The following PMFBP1 variants were observed in gnomAD, a reference collection of about 807,000 sequenced individuals.
The protein encoded by PMFBP1 is polyamine modulated factor 1 binding protein 1, also known as polyamine-modulated factor 1-binding protein 1.
PMFBP1 carries 131 observed loss-of-function variants against 137.8 expected under a neutral mutation model. The observed-to-expected ratio is 0.95, with a 90% CI of 0.82 to 1.10. The LOEUF (loss-of-function observed/expected upper bound fraction) is 1.10, where lower values mean the gene tolerates loss of function less well. PMFBP1 is among the 50% of genes least tolerant of loss of function. PMFBP1 has a pLI of 0.00. For synonymous variants in PMFBP1, 490 were observed against 450.4 expected, an observed-to-expected ratio of 1.09 and a Z score of -1.11; for missense variants, 1,199 against 1,175.4, an observed-to-expected ratio of 1.02 and a Z score of -0.29.
upstream of PMFBP1, among the ~76,000 whole-genome samples, chr16:72,181,387 A>G (rs2144548177): frequency 6.6e-6 from 1 of 152,048 alleles, no homozygotes; most frequent in South Asian, 2.1e-4. Context: ...TACCTCTTTT[A>G]TTTTTACTTT....
At chr16:72,135,740 G>GTTTTTTTTTTTTTT in intron 9 of PMFBP1, among the ~76,000 whole-genome samples, 1 of 66,816 alleles carries the variant, frequency 1.5e-5, no homozygotes. Flanking sequence ...TAATTTTTCT[G>GTTTTTTTTTTTTTT]TTTTTTTTTT....
chr16:72,117,710 A>T (rs2042322597), downstream of PMFBP1, among the ~76,000 whole-genome samples: 2 of 144,024 alleles, frequency 1.4e-5, no homozygotes, highest in Admixed American at 1.4e-4. Flanking sequence ...AATGCTTTTT[A>T]AAAAATTCAT....
the PMFBP1 span, among the ~76,000 whole-genome samples, chr16:72,245,789 T>A: frequency 6.6e-6 from 1 of 152,164 alleles, no homozygotes; most frequent in African/African-American, 2.4e-5. Context: ...CTTCTCCCTC[T>A]CTCTCTCCTT....
At chr16:72,219,861 T>C in the PMFBP1 span, among the ~76,000 whole-genome samples, 1 of 152,254 alleles carries the variant, frequency 6.6e-6, no homozygotes, top group Non-Finnish European at 1.5e-5. Flanking sequence ...GACTCTGCTA[T>C]GCACCAGAAG....
chr16:72,160,052 G>A (rs552057891), intron 3 of PMFBP1, among the ~76,000 whole-genome samples: 2 of 152,266 alleles, frequency 1.3e-5, no homozygotes, highest in African/African-American at 4.8e-5. Context: ...CTGTCCATAG[G>A]AACCTGTTCC....
At chr16:72,201,178 TG>T in the PMFBP1 span, among the ~76,000 whole-genome samples, 229 of 152,318 alleles carry the variant, frequency 1.5e-3, no homozygotes, top group African/African-American at 4.8e-3. Flanking sequence ...ACTTTAACAG[TG>T]ACCTGGAGGG....
At chr16:72,151,989 G>A (rs2042909115) in intron 4 of PMFBP1, among the ~76,000 whole-genome samples, 1 of 152,138 alleles carries the variant, frequency 6.6e-6, no homozygotes, top group African/African-American at 2.4e-5. Context: ...TCACTCTGAG[G>A]CATGTTCTAC....
upstream of PMFBP1, among the ~76,000 whole-genome samples, chr16:72,180,650 T>G (rs997530294): frequency 3.3e-5 from 5 of 151,866 alleles, no homozygotes; most frequent in African/African-American, 4.8e-5. Context: ...TTTCCCCTCT[T>G]AAAGCACTAG....
At chr16:72,175,702 T>A (rs982263614), upstream of PMFBP1, among the ~76,000 whole-genome samples, 11 of 152,252 alleles carry the variant, frequency 7.2e-5, no homozygotes, top group Non-Finnish European at 4.4e-5. Context: ...CAGGCTTACC[T>A]ATACTAAGCC....
the PMFBP1 span, among the ~76,000 whole-genome samples, chr16:72,214,908 G>A: frequency 6.6e-6 from 1 of 151,910 alleles, no homozygotes; most frequent in Non-Finnish European, 1.5e-5. Flanking sequence ...TAAGATTAGG[G>A]CATCATAAAA....
At chr16:72,157,281 T>C (rs1359036872) in intron 3 of PMFBP1, among the ~76,000 whole-genome samples, 1 of 149,988 alleles carries the variant, frequency 6.7e-6, no homozygotes, top group Non-Finnish European at 1.5e-5. Context: ...CAAGTATATA[T>C]GTAGTGTATT....
rs2042703409 is a variant in PMFBP1, at chr16:72,140,590, A to G, written c.637-8T>C. ...ACCCTTGTTCTCAGGCTCCTGAGAG[A>G]TTTAAAAATAATGGGTTGATTTTGC... On this transcript the variant is annotated splice_region_variant and splice_polypyrimidine_tract_variant and intron_variant, in intron 5 of 20. Transcript: ENST00000237353. 3 of 1,607,208 alleles carry G rather than the reference A, an allele frequency of 1.9e-6. No individual in the cohort carries two copies. Among genetic ancestry groups the G allele is most frequent in the African/African-American group, 1.3e-5 (1 of 74,656 alleles).
At chr16:72,120,672 G>C (rs565782309) in intron 19 of PMFBP1, among the ~76,000 whole-genome samples, 1 of 152,314 alleles carries the variant, frequency 6.6e-6, no homozygotes, top group East Asian at 1.9e-4. Context: ...AGATAATTTA[G>C]CGCATTCCCC....
chr16:72,169,718 T>C (rs1795008239), intron 2 of PMFBP1, among the ~76,000 whole-genome samples: 1 of 152,042 alleles, frequency 6.6e-6, no homozygotes, highest in Admixed American at 6.6e-5. Flanking sequence ...TTAAAAAAGA[T>C]ATCTGAGAGA....
intron 3 of PMFBP1, among the ~76,000 whole-genome samples, chr16:72,158,594 A>G (rs2043016064): frequency 6.6e-6 from 1 of 152,130 alleles, no homozygotes; most frequent in Non-Finnish European, 1.5e-5. Flanking sequence ...CCTGGAAAAA[A>G]ACATGATCAC....
the PMFBP1 span, among the ~76,000 whole-genome samples, chr16:72,231,821 C>A: frequency 2.8e-5 from 4 of 145,246 alleles, no homozygotes; most frequent in Non-Finnish European, 6.1e-5. Flanking sequence ...CAAACTGGTC[C>A]ATTGACCTCA....
intron 3 of PMFBP1, among the ~76,000 whole-genome samples, chr16:72,156,975 C>T (rs1447667980): frequency 6.6e-6 from 1 of 151,650 alleles, no homozygotes; most frequent in African/African-American, 2.4e-5. Flanking sequence ...ATCACGAGGT[C>T]AGGAGATCGA....
At chr16:72,133,632 G>T (rs962103533) in intron 9 of PMFBP1, among the ~76,000 whole-genome samples, 1 of 152,184 alleles carries the variant, frequency 6.6e-6, no homozygotes, top group Admixed American at 6.5e-5. Flanking sequence ...CAGGTAGCTA[G>T]TCAGGTGTGA....
chr16:72,219,815 T>C, the PMFBP1 span, among the ~76,000 whole-genome samples: 1 of 152,188 alleles, frequency 6.6e-6, no homozygotes, highest in African/African-American at 2.4e-5. Context: ...CAATTTTCTA[T>C]TTTGTGGATA....
Sources: gnomAD v4.1 joint callset for allele counts (sites outside exome capture counted in the v4.1 genomes callset) on GRCh38, gnomAD v4.1.1 for gene constraint, MANE v1.5 for transcripts, NCBI Gene and HGNC (gene_info 2026-07-23, HGNC 2026-07-21) for gene names.